RGS6: variants seen among roughly 807,000 people sequenced by gnomAD.
The protein encoded by RGS6 is regulator of G protein signaling 6.
RGS6 carries 30 observed loss-of-function variants against 78.5 expected under a neutral mutation model. The observed-to-expected ratio is 0.38, with a 90% CI of 0.29 to 0.52. The LOEUF (loss-of-function observed/expected upper bound fraction) is 0.52. Among genes scored for constraint, RGS6 ranks in the 20% least tolerant of loss-of-function variants. RGS6 has a pLI of 0.85. For missense variants in RGS6, 495 were observed against 609.7 expected (o/e 0.81, Z 1.98); for synonymous variants, 206 against 206.0 (o/e 1.00, Z 0.00).
intron 3 of RGS6, among the ~76,000 whole-genome samples, chr14:72,442,124 T>C (rs1483333537): frequency 6.6e-6 from 1 of 152,158 alleles, no homozygotes; most frequent in Admixed American, 6.5e-5. Flanking sequence ...TTCTGCTTGA[T>C]GCTTGAATCT....
At chr14:72,383,189 T>TAC (rs1210457097) in intron 3 of RGS6, among the ~76,000 whole-genome samples, 18 of 104,850 alleles carry the variant, frequency 1.7e-4, no homozygotes, top group African/African-American at 6.3e-4. Context: ...TATATATATA[T>TAC]ATATATATAT....
At chr14:72,223,660 C>G (rs1266408487) in intron 2 of RGS6, among the ~76,000 whole-genome samples, 1 of 152,206 alleles carries the variant, frequency 6.6e-6, no homozygotes, top group Non-Finnish European at 1.5e-5. Flanking sequence ...CTTAGAAGGT[C>G]AGATGAGTCT....
chr14:72,233,947 A>G (rs2050322219), intron 2 of RGS6, among the ~76,000 whole-genome samples: 1 of 152,156 alleles, frequency 6.6e-6, no homozygotes, highest in Non-Finnish European at 1.5e-5. Flanking sequence ...TCTGTGGTGC[A>G]GGGAGATTCT....
At chr14:72,283,316 A>T (rs1046437592) in intron 2 of RGS6, among the ~76,000 whole-genome samples, 1 of 152,088 alleles carries the variant, frequency 6.6e-6, no homozygotes, top group African/African-American at 2.4e-5. Flanking sequence ...GGATCATATG[A>T]TAGTGCTATT....
At chr14:71,999,140 CT>C in intron 2 of RGS6, among the ~76,000 whole-genome samples, 1 of 152,260 alleles carries the variant, frequency 6.6e-6, no homozygotes. Flanking sequence ...GTTTATTGAC[CT>C]CTGAGGTAAG....
chr14:72,496,320 G>A (rs1598345974), intron 13 of RGS6, among the ~76,000 whole-genome samples: 1 of 152,198 alleles, frequency 6.6e-6, no homozygotes, highest in Admixed American at 6.5e-5. Flanking sequence ...AGCGATGGTT[G>A]ACACATGGCA....
intron 3 of RGS6, among the ~76,000 whole-genome samples, chr14:72,374,153 A>G (rs892274665): frequency 6.6e-6 from 1 of 152,110 alleles, no homozygotes; most frequent in African/African-American, 2.4e-5. Context: ...GGTTTGTTAC[A>G]TATGTATACA....
In RGS6 at chr14:72,546,808, C is replaced by T. The variant is rs185117983; in HGVS notation, c.1422+6714C>T. ...ACTGATTCAGATCCAAATCGCGTACCCTGCCAGTCTCTAGCAAGGCAGGCT... is the reference window on the plus strand; with the variant it reads ...ACTGATTCAGATCCAAATCGCGTACTCTGCCAGTCTCTAGCAAGGCAGGCT... On this transcript the variant is annotated intron_variant, in intron 17 of 17. Transcript: ENST00000553525. Among the ~76,000 whole-genome samples the T allele has an allele frequency of 1.8e-4, 27 of 152,310 alleles. 1 individual carries two copies. In the East Asian group the frequency reaches 4.8e-3, roughly 27 times the overall value.
intron 2 of RGS6, among the ~76,000 whole-genome samples, chr14:71,975,000 A>T (rs1321381508): frequency 1.3e-5 from 2 of 152,196 alleles, no homozygotes; most frequent in East Asian, 1.9e-4. Context: ...TAAAATAAAA[A>T]AAAATTAGCT....
intron 1 of RGS6, among the ~76,000 whole-genome samples, chr14:71,946,713 T>C (rs2091576607): frequency 6.6e-6 from 1 of 152,108 alleles, no homozygotes; most frequent in African/African-American, 2.4e-5. Flanking sequence ...GGGACAGAGA[T>C]GGCAAGAATG....
At chr14:71,956,507 G>A (rs1208986898) in intron 1 of RGS6, among the ~76,000 whole-genome samples, 8 of 152,030 alleles carry the variant, frequency 5.3e-5, no homozygotes, top group South Asian at 2.1e-4. Flanking sequence ...GCCAGTCCGA[G>A]TCTCAAAACT....
At chr14:71,884,913 C>T in the RGS6 span, among the ~76,000 whole-genome samples, 1 of 152,138 alleles carries the variant, frequency 6.6e-6, no homozygotes, top group Non-Finnish European at 1.5e-5. Flanking sequence ...AGGGCAGGCA[C>T]CTGAGCACCT....
intron 2 of RGS6, among the ~76,000 whole-genome samples, chr14:71,998,251 A>G (rs773321331): frequency 4.9e-4 from 75 of 152,312 alleles, no homozygotes; most frequent in Admixed American, 1.4e-3. Flanking sequence ...AAAAGAGGCA[A>G]TCAGATATGC....
rs74589154 is a variant in RGS6, at chr14:72,263,115, C to A, written c.85-88980C>A. On this transcript the variant is annotated intron_variant, in intron 2 of 17. Transcript: ENST00000553525. ...GGCATTCCCAACAGCTGGGAGAGGA[C>A]CAAATGAAAGATTCCAGGCAGATCA... 2.0e-4 allele frequency among the ~76,000 whole-genome samples: 30 copies of A among 152,248 alleles called. 1 individual carries two copies. In the East Asian group the frequency reaches 5.8e-3, roughly 29 times the overall value.
intron 2 of RGS6, among the ~76,000 whole-genome samples, chr14:72,138,896 C>T (rs1473525243): frequency 8.5e-5 from 13 of 152,064 alleles, no homozygotes; most frequent in African/African-American, 2.4e-4. Flanking sequence ...GGGCTACCAC[C>T]GATTTGATAC....
At chr14:72,540,712 A>G (rs2097313852) in intron 17 of RGS6, 2 of 1,344,222 alleles carry the variant, frequency 1.5e-6, no homozygotes, top group South Asian at 1.2e-5. Context: ...TGATAGGGAG[A>G]GGAGGGAAGT....
At chr14:72,292,364 C>G (rs1474810219) in intron 2 of RGS6, among the ~76,000 whole-genome samples, 1 of 152,152 alleles carries the variant, frequency 6.6e-6, no homozygotes, top group Non-Finnish European at 1.5e-5. Flanking sequence ...AGTCGCTTCT[C>G]TCACTGCCAA....
the RGS6 span, among the ~76,000 whole-genome samples, chr14:72,614,006 G>A: frequency 2.0e-5 from 3 of 152,062 alleles, no homozygotes; most frequent in East Asian, 5.8e-4. Flanking sequence ...TCCACTCACA[G>A]ACCAGAGGGT....
chr14:72,528,102 C>T (rs887572332), intron 15 of RGS6, among the ~76,000 whole-genome samples: 1 of 152,118 alleles, frequency 6.6e-6, no homozygotes. Context: ...GCTTGTGGCC[C>T]AGGGCCCCAG....
Sources: allele counts gnomAD v4.1 joint callset (sites outside exome capture counted in the v4.1 genomes callset), GRCh38; gene constraint gnomAD v4.1.1; transcripts MANE v1.5; gene names NCBI Gene and HGNC (gene_info 2026-07-23, HGNC 2026-07-21).